SHISAL1: variants seen among roughly 807,000 people sequenced by gnomAD.
SHISAL1 encodes protein shisa-like-1.
Under a neutral mutation model 22.6 loss-of-function variants are expected in SHISAL1, and 9 were observed. The ratio of observed to expected loss-of-function variants is 0.40; its 90% CI spans 0.24 to 0.70. The LOEUF is 0.70. Among genes scored for constraint, SHISAL1 ranks in the 30% least tolerant of loss-of-function variants. The pLI, the probability that SHISAL1 is intolerant of heterozygous loss-of-function variation, is 0.39. For synonymous variants in SHISAL1, 119 were observed against 115.4 expected, an observed-to-expected ratio of 1.03 and a Z score of -0.20; for missense variants, 246 against 270.6, an observed-to-expected ratio of 0.91 and a Z score of 0.64.
At chr22:44,271,095 C>T (rs1008675448) in intron 4 of SHISAL1, among the ~76,000 whole-genome samples, 5 of 152,138 alleles carry the variant, frequency 3.3e-5, no homozygotes, top group Non-Finnish European at 5.9e-5. Context: ...GCCCTCCCCA[C>T]ATCCCCTTTG....
chr22:44,297,502 G>C (rs1440005939), intron 2 of SHISAL1, among the ~76,000 whole-genome samples: 1 of 152,212 alleles, frequency 6.6e-6, no homozygotes, highest in Non-Finnish European at 1.5e-5. Flanking sequence ...CAGACCCTTC[G>C]TTCCTTGGTT....
upstream of SHISAL1, among the ~76,000 whole-genome samples, chr22:44,314,780 G>C (rs1251020478): frequency 1.3e-5 from 2 of 152,192 alleles, no homozygotes; most frequent in South Asian, 4.1e-4. Context: ...GACAGCCCTG[G>C]AGACGGCCCA....
the SHISAL1 span, among the ~76,000 whole-genome samples, chr22:44,329,011 C>T: frequency 6.6e-6 from 1 of 152,234 alleles, no homozygotes; most frequent in African/African-American, 2.4e-5. Flanking sequence ...GGACCAAGCT[C>T]CCCTGGCCCC....
At position 44,248,110 on chromosome 22, in the gene SHISAL1, AGTTCCTGGC is replaced by A. The variant is rs1569204484; in HGVS notation, c.*1566_*1574del. The A allele has an allele frequency of 6.6e-6, 1 of 150,380 alleles. No individual in the cohort carries two copies. The highest frequency in any genetic ancestry group is 2.5e-5 in the African/African-American group (1 of 39,748). 9.3% of individuals were successfully genotyped at this position (150,380 alleles called of 1,614,324 possible). A position where few individuals can be genotyped will look rare whatever the true frequency, so the allele number is the denominator to read the frequency against. On this transcript the variant is annotated 3_prime_UTR_variant, in exon 5 of 5. Coordinates refer to ENST00000381176, the MANE Select transcript of SHISAL1 (RefSeq NM_001099294.2). ...TCTCACTCACGTGTCCCTCGAACTG[AGTTCCTGGC>A]ACTGAGTTCCCGGCAGAGCACTCAC...
At position 44,248,638 on chromosome 22, in the gene SHISAL1, G is replaced by C. The variant is rs540385589; in HGVS notation, c.*1047C>G. 2 of 152,316 alleles carry C rather than the reference G, an allele frequency of 1.3e-5. No homozygotes were observed. Among genetic ancestry groups the C allele is most frequent in the African/African-American group, 4.8e-5 (2 of 41,568 alleles). The allele number at this position is 152,316 out of a possible 1,614,324, so 9.4% of individuals were successfully genotyped here. On this transcript the variant is annotated 3_prime_UTR_variant, in exon 5 of 5. Transcript: ENST00000381176. Reference sequence around the variant, plus strand: ...CCAGATGGGAGGCTCCCCGGGGGCAGAGATGAGATCTAACTCATCTTTCAT... The same window carrying C: ...CCAGATGGGAGGCTCCCCGGGGGCACAGATGAGATCTAACTCATCTTTCAT...
upstream of SHISAL1, among the ~76,000 whole-genome samples, chr22:44,315,877 C>T (rs567762625): frequency 6.6e-6 from 1 of 152,170 alleles, no homozygotes; most frequent in South Asian, 2.1e-4. Flanking sequence ...AGCAGTTCCC[C>T]GGCCTCAGGT....
chr22:44,271,352 C>T (rs536838524), intron 4 of SHISAL1, among the ~76,000 whole-genome samples: 1 of 152,284 alleles, frequency 6.6e-6, no homozygotes, highest in East Asian at 1.9e-4. Flanking sequence ...AGTCCCAGAG[C>T]TCACAGCTGA....
In SHISAL1 at chr22:44,247,865, C is replaced by T. The variant is rs80299328; in HGVS notation, c.*1820G>A. 2,118 of 137,466 alleles carry T rather than the reference C, an allele frequency of 0.015. 24 individuals carry two copies. The highest frequency in any genetic ancestry group is 0.034 in the Middle Eastern group (10 of 290). 8.5% of individuals were successfully genotyped at this position (137,466 alleles called of 1,614,324 possible). On this transcript the variant is annotated 3_prime_UTR_variant, in exon 5 of 5. Transcript: ENST00000381176. ...TCTCCTTCTGCCTTCCCTCTGGGTC[C>T]CCAGCCACCTGGCTTTCTTGTGCCA...
At chr22:44,283,297 C>G (rs2055289390) in intron 4 of SHISAL1, among the ~76,000 whole-genome samples, 1 of 152,232 alleles carries the variant, frequency 6.6e-6, no homozygotes, top group South Asian at 2.1e-4. Context: ...AGCCTCTGAG[C>G]TCCAAAAGGA....
intron 4 of SHISAL1, among the ~76,000 whole-genome samples, chr22:44,268,393 C>A (rs916090223): frequency 6.6e-6 from 1 of 152,158 alleles, no homozygotes; most frequent in African/African-American, 2.4e-5. Flanking sequence ...CCTCCATTAG[C>A]CAGATAGAAG....
chr22:44,319,985 C>T, the SHISAL1 span, among the ~76,000 whole-genome samples: 1 of 152,184 alleles, frequency 6.6e-6, no homozygotes, highest in East Asian at 1.9e-4. Flanking sequence ...CCATCTCTAA[C>T]AGACCATGTG....
At chr22:44,325,459 G>T in the SHISAL1 span, among the ~76,000 whole-genome samples, 1 of 152,194 alleles carries the variant, frequency 6.6e-6, no homozygotes, top group Non-Finnish European at 1.5e-5. Context: ...CCCTCTTGCA[G>T]CCAGGGAGTT....
At chr22:44,294,467 T>G (rs1377091385) in intron 3 of SHISAL1, among the ~76,000 whole-genome samples, 1 of 152,156 alleles carries the variant, frequency 6.6e-6, no homozygotes, top group African/African-American at 2.4e-5. Context: ...CAAAAAGATT[T>G]TTCCTTATCA....
chr22:44,302,575 C>T (rs113091525), intron 1 of SHISAL1, among the ~76,000 whole-genome samples: 398 of 152,216 alleles, frequency 2.6e-3, no homozygotes, highest in African/African-American at 9.0e-3. Flanking sequence ...GGAGAGGCCA[C>T]GTGGCTGTCT....
chr22:44,311,179 G>A (rs565041755), intron 1 of SHISAL1, among the ~76,000 whole-genome samples: 94 of 152,216 alleles, frequency 6.2e-4, no homozygotes, highest in Middle Eastern at 3.4e-3. Flanking sequence ...CAGGGGAGCT[G>A]AGGTGGGCCG....
chr22:44,301,258 C>T (rs1383854069), intron 1 of SHISAL1, among the ~76,000 whole-genome samples: 2 of 152,182 alleles, frequency 1.3e-5, no homozygotes, highest in Non-Finnish European at 2.9e-5. Flanking sequence ...GACCGGCCGG[C>T]AGAGGCTGGT....
At chr22:44,291,606 G>T (rs910208681) in intron 3 of SHISAL1, among the ~76,000 whole-genome samples, 1 of 151,986 alleles carries the variant, frequency 6.6e-6, no homozygotes, top group Non-Finnish European at 1.5e-5. Flanking sequence ...GCCAAGGGAG[G>T]GACCACCGTC....
At chr22:44,278,442 C>G (rs925693446) in intron 4 of SHISAL1, among the ~76,000 whole-genome samples, 2 of 152,210 alleles carry the variant, frequency 1.3e-5, no homozygotes, top group African/African-American at 4.8e-5. Context: ...CTCCAGCAAG[C>G]AGGGGCACCT....
intron 3 of SHISAL1, among the ~76,000 whole-genome samples, chr22:44,294,530 T>C (rs1045635215): frequency 1.3e-5 from 2 of 152,148 alleles, no homozygotes; most frequent in Admixed American, 6.5e-5. Context: ...GGGAAAATAA[T>C]TTGAAGGATC....
Sources: gnomAD v4.1 joint callset for allele counts (sites outside exome capture counted in the v4.1 genomes callset) on GRCh38, gnomAD v4.1.1 for gene constraint, MANE v1.5 for transcripts, NCBI Gene and HGNC (gene_info 2026-07-23, HGNC 2026-07-21) for gene names.